The following TMPRSS15 variants were observed in gnomAD, a reference collection of about 807,000 sequenced individuals.
TMPRSS15 encodes the protein enteropeptidase.
In TMPRSS15, 128 loss-of-function variants were observed where a neutral mutation model predicts 125.3. The ratio of observed to expected loss-of-function variants is 1.02; its 90% confidence interval spans 0.89 to 1.18. The LOEUF (loss-of-function observed/expected upper bound fraction) is 1.18, where lower values mean the gene tolerates loss of function less well. TMPRSS15 is among the 50% of genes most tolerant of loss of function. The pLI, the probability that TMPRSS15 is intolerant of heterozygous loss-of-function variation, is 0.00. For synonymous variants in TMPRSS15, 446 were observed against 423.2 expected, an observed-to-expected ratio of 1.05 and a Z score of -0.66; for missense variants, 1,283 against 1,212.7, an observed-to-expected ratio of 1.06 and a Z score of -0.86.
rs2146936046 is a variant in TMPRSS15 at position 18,312,994 on chromosome 21, T to A, written c.2116A>T (p.Asn706Tyr). The change falls in exon 18 of 25, where the codon AAC becomes TAC. Residue 706 changes from asparagine to tyrosine, a missense_variant. Physicochemically the swap from Asn to Tyr is moderately radical, Grantham distance 143 (BLOSUM62 -2). Transcript: ENST00000284885. ...QSIWHTACAE[N>Y]WTTQISNDVC... ...TCATTTGAAATCTGGGTGGTCCAGT[T>A]CTCAGCACAAGCTGTATGCCATATG... The A allele has an allele frequency of 6.2e-7, 1 of 1,614,034 alleles. No individual in the cohort carries two copies. Among genetic ancestry groups the A allele is most frequent in the Non-Finnish European group, 8.5e-7 (1 of 1,179,922 alleles).
At chr21:18,459,643 A>G (rs1978514731) in intron 1 of TMPRSS15, among the ~76,000 whole-genome samples, 1 of 152,140 alleles carries the variant, frequency 6.6e-6, no homozygotes, top group East Asian at 1.9e-4. Flanking sequence ...AATGCTGCAA[A>G]TGTGTTGATT....
In TMPRSS15 at chr21:18,343,503, A is replaced by G. The variant is rs1308749236; in HGVS notation, c.1428+3T>C. On this transcript the variant is annotated splice_donor_region_variant and intron_variant, in intron 12 of 24. Transcript: ENST00000284885. ...AATATAAATAATAAAGTATTTTGCA[A>G]ACCTTAAATTTAACTGTTTCATTTA... 1 of 1,605,640 alleles carries G rather than the reference A, an allele frequency of 6.2e-7. No homozygotes were observed. Among genetic ancestry groups the G allele is most frequent in the Non-Finnish European group, 8.5e-7 (1 of 1,173,156 alleles).
At position 18,439,263 on chromosome 21, in the gene TMPRSS15, T is replaced by G. The variant is rs185451754; in HGVS notation, c.11-40934A>C. On this transcript the variant is annotated intron_variant, in intron 1 of 7. Coordinates refer to the TMPRSS15 transcript ENST00000422787. ...CAATTAATTTTGCTAATACCTCATG[T>G]TGAAGGAGCAAGAATTTCTATGATC... 2.8e-3 allele frequency among the ~76,000 whole-genome samples: 432 copies of G among 152,288 alleles called. 1 individual carries two copies. The highest frequency in any genetic ancestry group is 4.3e-3 in the Non-Finnish European group (292 of 68,000).
At chr21:18,300,208 C>G (rs200122559) in intron 18 of TMPRSS15, among the ~76,000 whole-genome samples, 1 of 49,628 alleles carries the variant, frequency 2.0e-5, no homozygotes, top group Non-Finnish European at 4.2e-5. Context: ...CTCTTTCTTT[C>G]TTTTTCTTTC....
chr21:18,426,979 G>T (rs548504702), intron 1 of TMPRSS15, among the ~76,000 whole-genome samples: 64 of 152,212 alleles, frequency 4.2e-4, no homozygotes, highest in Non-Finnish European at 7.6e-4. Flanking sequence ...TCTCCCCTCC[G>T]CCATGCCTGG....
chr21:18,313,515 T>C (rs1245193813), intron 17 of TMPRSS15, among the ~76,000 whole-genome samples: 2 of 151,292 alleles, frequency 1.3e-5, no homozygotes, highest in Non-Finnish European at 3.0e-5. Context: ...TTTGGAAAAA[T>C]TAACAAAAAA....
chr21:18,276,823 A>C (rs949307985), intron 23 of TMPRSS15, among the ~76,000 whole-genome samples: 50 of 146,426 alleles, frequency 3.4e-4, no homozygotes, highest in African/African-American at 1.3e-3. Context: ...GCAATGGCGC[A>C]ATCTCGGCTC....
chr21:18,283,438 C>T (rs920713803), intron 21 of TMPRSS15, among the ~76,000 whole-genome samples: 15 of 151,776 alleles, frequency 9.9e-5, no homozygotes, highest in South Asian at 6.2e-4. Flanking sequence ...ATTACTATAC[C>T]GTATGTTTTG....
In TMPRSS15 at chr21:18,439,907, A is replaced by G. The variant is rs570431024; in HGVS notation, c.11-41578T>C. ...CTTGAGAACAGAAAGCAGAGATCTTAGATAATGACTTCAAAGGCACAAAAT... is the reference window on the plus strand; with the variant it reads ...CTTGAGAACAGAAAGCAGAGATCTTGGATAATGACTTCAAAGGCACAAAAT... On this transcript the variant is annotated intron_variant, in intron 1 of 7. Coordinates refer to the TMPRSS15 transcript ENST00000422787. Among the ~76,000 whole-genome samples, 413 of 152,330 alleles carry G rather than the reference A, an allele frequency of 2.7e-3. 1 individual carries two copies. Among genetic ancestry groups the G allele is most frequent in the Admixed American group, 3.3e-3 (50 of 15,298 alleles).
chr21:18,422,658 A>G (rs1163757718), intron 1 of TMPRSS15, among the ~76,000 whole-genome samples: 1 of 152,238 alleles, frequency 6.6e-6, no homozygotes, highest in Non-Finnish European at 1.5e-5. Flanking sequence ...ACTGAGGCAC[A>G]AAGCATTTAA....
chr21:18,424,549 T>C (rs369865166), intron 1 of TMPRSS15, among the ~76,000 whole-genome samples: 26 of 152,364 alleles, frequency 1.7e-4, no homozygotes, highest in East Asian at 1.5e-3. Flanking sequence ...AAAGCCATCA[T>C]GTTGTTTTGC....
chr21:18,353,600 G>GC (rs2075594364), intron 9 of TMPRSS15, 123 bp downstream of exon 9: 3 of 786,472 alleles, frequency 3.8e-6, no homozygotes, highest in Non-Finnish European at 6.1e-6. Flanking sequence ...AGAGAAAGAT[G>GC]CACATACAAG....
intron 13 of TMPRSS15, among the ~76,000 whole-genome samples, chr21:18,340,343 G>T (rs2146983801): frequency 6.6e-6 from 1 of 152,154 alleles, no homozygotes; most frequent in Admixed American, 6.5e-5. Context: ...TCAGCTTTCA[G>T]ACTCTTGGAC....
chr21:18,278,908 G>C, intron 23 of TMPRSS15, 56 bp downstream of exon 23: 1 of 870,304 alleles, frequency 1.1e-6, no homozygotes, highest in Non-Finnish European at 1.7e-6. Context: ...ATGACAGTCT[G>C]TTTTTCACCA....
intron 1 of TMPRSS15, among the ~76,000 whole-genome samples, chr21:18,408,834 T>G (rs114658589): frequency 3.9e-5 from 6 of 152,110 alleles, no homozygotes; most frequent in Non-Finnish European, 1.5e-5. Context: ...ATTTTTTTGA[T>G]CCTTGAAAAA....
intron 21 of TMPRSS15, among the ~76,000 whole-genome samples, chr21:18,289,426 C>T (rs577935282): frequency 6.7e-4 from 102 of 152,210 alleles, no homozygotes; most frequent in South Asian, 2.1e-3. Flanking sequence ...GCAGGAAAAT[C>T]GCTTGAACCC....
chr21:18,465,033 A>G (rs982627446), intron 1 of TMPRSS15, among the ~76,000 whole-genome samples: 1 of 152,096 alleles, frequency 6.6e-6, no homozygotes, highest in Non-Finnish European at 1.5e-5. Flanking sequence ...CAAAACGAAT[A>G]CAGCAGCACA....
intron 10 of TMPRSS15, among the ~76,000 whole-genome samples, chr21:18,349,834 T>C (rs2075546581): frequency 6.6e-6 from 1 of 152,186 alleles, no homozygotes; most frequent in Non-Finnish European, 1.5e-5. Context: ...GTCAGTTTCA[T>C]CTTATTTCCT....
At chr21:18,296,140 G>A (rs531200039) in intron 19 of TMPRSS15, among the ~76,000 whole-genome samples, 31 of 152,198 alleles carry the variant, frequency 2.0e-4, no homozygotes, top group East Asian at 3.9e-4. Context: ...GCAACAGAGC[G>A]AGACTCCGTC....
Sources: allele counts gnomAD v4.1 joint callset (sites outside exome capture counted in the v4.1 genomes callset), GRCh38; gene constraint gnomAD v4.1.1; transcripts MANE v1.5; gene names NCBI Gene and HGNC (gene_info 2026-07-23, HGNC 2026-07-21).